The following RYR2 variants were observed in gnomAD, a reference collection of about 807,000 sequenced individuals.
RYR2 encodes ryanodine receptor 2.
In RYR2, 227 loss-of-function variants were observed where a neutral mutation model predicts 601.1. The ratio of observed to expected loss-of-function variants is 0.38; its 90% CI spans 0.34 to 0.42. The LOEUF is 0.42. RYR2 is among the 10% of genes least tolerant of loss of function. The pLI, the probability that RYR2 is intolerant of heterozygous loss-of-function variation, is 1.00. For synonymous variants in RYR2, 2,223 were observed against 2,175.1 expected (o/e 1.02, Z -0.61); for missense variants, 4,646 against 6,156.5 (o/e 0.75, Z 8.21).
rs1325820873 is a variant in RYR2 at position 237,208,986 on chromosome 1, G to GTATATATATATTATATA, written c.49-61507_49-61506insTATATATTATATATATA. On this transcript the variant is annotated intron_variant, in intron 1 of 104. Coordinates refer to ENST00000366574, the MANE Select transcript of RYR2 (RefSeq NM_001035.3). ...TATATATATATATATATATATATAT[G>GTATATATATATTATATA]TATACTGTAATTGAACTATGATTCA... Among the ~76,000 whole-genome samples the GTATATATATATTATATA allele has an allele frequency of 2.2e-3, 186 of 86,378 alleles. 3 individuals carry two copies. The highest frequency in any genetic ancestry group is 3.7e-3 in the African/African-American group (76 of 20,606). 56.7% of individuals were successfully genotyped at this position (86,378 alleles called of 152,430 possible).
At chr1:237,818,900 C>G (rs1662128376) in intron 100 of RYR2, 136 bp from the exon 101 acceptor site, 1 of 711,862 alleles carries the variant, frequency 1.4e-6, no homozygotes, top group Non-Finnish European at 2.3e-6. Context: ...AATACTGAAA[C>G]AAAAAGAGGC....
At chr1:237,231,031 G>A (rs1302453704) in intron 1 of RYR2, among the ~76,000 whole-genome samples, 1 of 150,738 alleles carries the variant, frequency 6.6e-6, no homozygotes, top group Admixed American at 6.6e-5. Context: ...CTTAAGAAAA[G>A]CATGATTTTA....
chr1:237,738,289 A>T (rs1233853063), intron 79 of RYR2, among the ~76,000 whole-genome samples: 2 of 152,194 alleles, frequency 1.3e-5, no homozygotes, highest in African/African-American at 4.8e-5. Context: ...ATAACTCTGA[A>T]TTCATGATAC....
At chr1:237,108,175 T>C (rs1235535182) in intron 1 of RYR2, among the ~76,000 whole-genome samples, 1 of 152,188 alleles carries the variant, frequency 6.6e-6, no homozygotes, top group African/African-American at 2.4e-5. Context: ...CTGGGCTCCT[T>C]GCCTAAGCAT....
intron 10 of RYR2, among the ~76,000 whole-genome samples, chr1:237,389,992 T>C (rs1459851842): frequency 6.6e-6 from 1 of 152,118 alleles, no homozygotes; most frequent in Non-Finnish European, 1.5e-5. Context: ...GGCAGGGGGC[T>C]GAGGATGGAT....
chr1:237,614,205 T>C lies in RYR2; in HGVS notation c.5077T>C (p.Tyr1693His), dbSNP rs2148594145. Residue 1693 changes from tyrosine to histidine, a missense_variant, in exon 37 of 105, where the codon TAC becomes CAC. Coordinates refer to ENST00000366574, the MANE Select transcript of RYR2 (RefSeq NM_001035.3). This position sits in a 1 kb window ranked among gnomAD's most constrained non-coding sequence, Gnocchi z 4.3. ...PQLLYAIENK[Y>H]MPGLLRAGYY... ...GCTCCTCTATGCCATTGAGAACAAG[T>C]ACATGCCTGGTTTGCTGCGTGCTGG... 1 of 1,614,020 alleles carries C rather than the reference T, an allele frequency of 6.2e-7. No individual in the cohort carries two copies. The highest frequency in any genetic ancestry group is 8.5e-7 in the Non-Finnish European group (1 of 1,179,902).
chr1:237,792,770 A>C (rs1235057681), intron 94 of RYR2, among the ~76,000 whole-genome samples: 1 of 152,210 alleles, frequency 6.6e-6, no homozygotes, highest in Non-Finnish European at 1.5e-5. Context: ...TTGGCCCTAC[A>C]GAAGTGAGCT....
At chr1:237,149,494 C>T (rs1249909211) in intron 1 of RYR2, among the ~76,000 whole-genome samples, 1 of 152,044 alleles carries the variant, frequency 6.6e-6, no homozygotes, top group African/African-American at 2.4e-5. Flanking sequence ...GTGCCATAAA[C>T]ACAATAAAAT....
At chr1:237,074,015 T>G (rs1433205763) in intron 1 of RYR2, among the ~76,000 whole-genome samples, 2 of 151,950 alleles carry the variant, frequency 1.3e-5, no homozygotes, top group Non-Finnish European at 2.9e-5. Flanking sequence ...ATGAGAAGAT[T>G]TAAAATTTTT....
intron 1 of RYR2, among the ~76,000 whole-genome samples, chr1:237,242,202 G>T (rs796970697): frequency 0.058 from 366 of 6,362 alleles, 1 homozygote; most frequent in Admixed American, 0.23. Flanking sequence ...TGTTTTTTTT[G>T]TTTGTTTGTT....
At chr1:237,193,878 C>T (rs983043526) in intron 1 of RYR2, among the ~76,000 whole-genome samples, 1 of 152,174 alleles carries the variant, frequency 6.6e-6, no homozygotes, top group African/African-American at 2.4e-5. Flanking sequence ...TTCCTCACTG[C>T]ATTTCTAATA....
At chr1:237,314,455 A>G (rs1694910026) in intron 2 of RYR2, among the ~76,000 whole-genome samples, 1 of 152,200 alleles carries the variant, frequency 6.6e-6, no homozygotes, top group South Asian at 2.1e-4. Flanking sequence ...TTTAAAATAT[A>G]TTTATAGCTA....
intron 73 of RYR2, 145 bp from the exon 74 acceptor site, chr1:237,722,983 A>G (rs1689875213): frequency 3.1e-6 from 2 of 637,760 alleles, no homozygotes; most frequent in Non-Finnish European, 5.4e-6. Context: ...TTCATCCTAC[A>G]TAACTGCAGC....
intron 63 of RYR2, among the ~76,000 whole-genome samples, chr1:237,697,477 T>A (rs1434048461): frequency 1.4e-5 from 2 of 144,434 alleles, no homozygotes; most frequent in Non-Finnish European, 3.0e-5. Context: ...ATATAATATA[T>A]TTATAGAAAT....
chr1:237,215,052 A>C (rs182865943), intron 1 of RYR2, among the ~76,000 whole-genome samples: 150 of 152,314 alleles, frequency 9.8e-4, no homozygotes, highest in African/African-American at 3.5e-3. Flanking sequence ...TTTATGGTTT[A>C]AATTCATTCT....
Position 237,709,015 on chromosome 1 carries a change from C to T in RYR2, c.10059C>T (p.Leu3353=), listed in dbSNP as rs370015676. The change falls in exon 69 of 105, where the codon CTC becomes CTT. Residue 3353 remains leucine, a synonymous_variant. Transcript: ENST00000366574. ...EARGDMSEAE[L]LILDEFTTLA... ...GGGGGGACATGTCGGAGGCAGAACTCCTCATCCTAGATGAGTTCACCACAC... is the reference window on the plus strand; with the variant it reads ...GGGGGGACATGTCGGAGGCAGAACTTCTCATCCTAGATGAGTTCACCACAC... 6.2e-7 allele frequency: 1 copy of T among 1,613,160 alleles called. No individual in the cohort carries two copies. Among genetic ancestry groups the T allele is most frequent in the Non-Finnish European group, 8.5e-7 (1 of 1,179,206 alleles).
chr1:237,136,119 C>T lies in RYR2; in HGVS notation c.48+93550C>T, dbSNP rs188512218. Among the ~76,000 whole-genome samples, 81 of 152,348 alleles carry T rather than the reference C, an allele frequency of 5.3e-4. 2 individuals are homozygous for T. The East Asian group carries it at 0.015, about 28-fold the overall frequency. ...ACTTGAGTGTCCATGACAAATGACC[C>T]TTCCAGCACTCTCCTAAACCACCAG... On this transcript the variant is annotated intron_variant, in intron 1 of 104. Coordinates refer to ENST00000366574, the MANE Select transcript of RYR2 (RefSeq NM_001035.3).
chr1:237,636,390 C>T (rs1680874627), intron 44 of RYR2, among the ~76,000 whole-genome samples: 3 of 152,278 alleles, frequency 2.0e-5, no homozygotes, highest in Middle Eastern at 3.4e-3. Context: ...CCAAATCCTC[C>T]TGACATACCA....
intron 17 of RYR2, among the ~76,000 whole-genome samples, chr1:237,489,844 G>A (rs775190678): frequency 6.6e-6 from 1 of 152,118 alleles, no homozygotes; most frequent in Non-Finnish European, 1.5e-5. Flanking sequence ...TTAAATGTTC[G>A]TGGCATCACT....
Sources: allele counts gnomAD v4.1 joint callset (sites outside exome capture counted in the v4.1 genomes callset), GRCh38; gene constraint gnomAD v4.1.1; non-coding constraint Gnocchi (gnomAD v3.1); transcripts MANE v1.5; gene names NCBI Gene and HGNC (gene_info 2026-07-23, HGNC 2026-07-21).